The following DENND5B variants were observed in gnomAD, a reference collection of about 807,000 sequenced individuals.
The protein encoded by DENND5B is DENN domain containing 5B.
In DENND5B, 34 loss-of-function variants were observed where a neutral mutation model predicts 140.6. The ratio of observed to expected loss-of-function variants is 0.24; its 90% CI spans 0.18 to 0.32. The LOEUF is 0.32. Ranked by LOEUF, DENND5B falls within the 10% of genes least tolerant of loss-of-function variation. DENND5B has a pLI of 1.00. For missense variants in DENND5B, 1,142 were observed against 1,560.2 expected, an observed-to-expected ratio of 0.73 and a Z score of 4.52; for synonymous variants, 551 against 562.1, an observed-to-expected ratio of 0.98 and a Z score of 0.28.
chr12:31,442,797 C>T lies in DENND5B; in HGVS notation c.1990G>A (p.Ala664Thr), dbSNP rs994305513. 4 of 1,613,420 alleles carry T rather than the reference C, an allele frequency of 2.5e-6. No individual in the cohort carries two copies. Among genetic ancestry groups the T allele is most frequent in the South Asian group, 2.2e-5 (2 of 90,952 alleles). ...FFPKLQSDVL[A>T]TGPTSNNRWV... ...TACTTGTTACTGGTTGGTCCTGTTG[C>T]CAAGACATCGGACTGTAACTTTGGA... The change falls in exon 7 of 21, where the codon GCA (alanine) becomes ACA (threonine). Residue 664 changes from alanine to threonine, a missense_variant. Coordinates refer to ENST00000389082, the MANE Select transcript of DENND5B (RefSeq NM_144973.4).
intron 17 of DENND5B, among the ~76,000 whole-genome samples, chr12:31,395,548 G>A (rs565882530): frequency 6.7e-4 from 102 of 152,166 alleles, no homozygotes; most frequent in African/African-American, 2.4e-3. Context: ...AGATGAGACC[G>A]CACCACTGCA....
At chr12:31,512,619 A>T (rs1947474664) in intron 1 of DENND5B, among the ~76,000 whole-genome samples, 1 of 151,992 alleles carries the variant, frequency 6.6e-6, no homozygotes, top group South Asian at 2.1e-4. Flanking sequence ...AAACATAGGG[A>T]TATTATTATT....
chr12:31,541,233 C>G (rs780395322), intron 1 of DENND5B, among the ~76,000 whole-genome samples: 2 of 152,080 alleles, frequency 1.3e-5, no homozygotes, highest in Non-Finnish European at 2.9e-5. Flanking sequence ...TAAAAACCTT[C>G]TGCACAGCAA....
At chr12:31,408,625 A>T (rs1477258178) in intron 14 of DENND5B, among the ~76,000 whole-genome samples, 4 of 7,620 alleles carry the variant, frequency 5.2e-4, no homozygotes, top group African/African-American at 7.1e-4. Flanking sequence ...AGACTCTATC[A>T]AAAAAAAAAA....
intron 14 of DENND5B, among the ~76,000 whole-genome samples, chr12:31,405,978 T>C (rs1450466551): frequency 6.6e-6 from 1 of 152,074 alleles, no homozygotes; most frequent in Non-Finnish European, 1.5e-5. Context: ...CTGGAGTAGC[T>C]GGGATTACAG....
chr12:31,472,720 G>GT (rs1945618966), intron 3 of DENND5B, among the ~76,000 whole-genome samples: 1 of 152,152 alleles, frequency 6.6e-6, no homozygotes, highest in Non-Finnish European at 1.5e-5. Flanking sequence ...AATTTAAAAT[G>GT]TAAGAAGGGA....
intron 2 of DENND5B, among the ~76,000 whole-genome samples, chr12:31,483,865 C>CT (rs200066618): frequency 0.019 from 2,460 of 129,394 alleles, 46 homozygotes; most frequent in African/African-American, 0.046. Context: ...CTTTTCTTTT[C>CT]TTTTTTTTTT....
chr12:31,524,313 G>C (rs573406384), intron 1 of DENND5B, among the ~76,000 whole-genome samples: 2 of 152,272 alleles, frequency 1.3e-5, no homozygotes, highest in African/African-American at 4.8e-5. Flanking sequence ...CAGCCCTTAA[G>C]AGAGTCCTGG....
At chr12:31,436,726 G>A (rs1943774828) in intron 7 of DENND5B, among the ~76,000 whole-genome samples, 1 of 151,274 alleles carries the variant, frequency 6.6e-6, no homozygotes, top group South Asian at 2.1e-4. Flanking sequence ...GTGGAGACGG[G>A]GTTTCACCAT....
chr12:31,495,172 C>A (rs1946708096), intron 2 of DENND5B, among the ~76,000 whole-genome samples: 1 of 152,128 alleles, frequency 6.6e-6, no homozygotes, highest in Non-Finnish European at 1.5e-5. Flanking sequence ...TTCCATCAGG[C>A]TCCTCTCAGG....
intron 11 of DENND5B, among the ~76,000 whole-genome samples, chr12:31,422,407 G>A (rs1361364829): frequency 6.6e-6 from 1 of 151,678 alleles, no homozygotes; most frequent in Non-Finnish European, 1.5e-5. Context: ...TCCAGCCTGG[G>A]CGACACAGCG....
At chr12:31,574,167 G>A (rs1202363310) in intron 1 of DENND5B, among the ~76,000 whole-genome samples, 1 of 151,530 alleles carries the variant, frequency 6.6e-6, no homozygotes, top group Admixed American at 6.6e-5. Flanking sequence ...GAAGGCTGAG[G>A]CAAGAGAACC....
intron 1 of DENND5B, among the ~76,000 whole-genome samples, chr12:31,512,666 T>C (rs1487577107): frequency 6.6e-6 from 1 of 152,196 alleles, no homozygotes; most frequent in Non-Finnish European, 1.5e-5. Context: ...ATAATCAAAA[T>C]TTTATTAACC....
intron 9 of DENND5B, 92 bp downstream of exon 9, chr12:31,426,201 A>G: frequency 8.5e-6 from 12 of 1,414,550 alleles, no homozygotes; most frequent in Middle Eastern, 1.9e-4. Flanking sequence ...GCAAAATTAC[A>G]TGCTTAAATG....
intron 3 of DENND5B, among the ~76,000 whole-genome samples, chr12:31,472,001 C>T (rs570008443): frequency 6.6e-6 from 1 of 152,250 alleles, no homozygotes; most frequent in South Asian, 2.1e-4. Context: ...ACAAAAGCCA[C>T]GCAGGACTGG....
chr12:31,558,924 C>A (rs190764649), intron 1 of DENND5B, among the ~76,000 whole-genome samples: 1 of 152,282 alleles, frequency 6.6e-6, no homozygotes, highest in Admixed American at 6.5e-5. Flanking sequence ...TCTTGACTAT[C>A]ATCTATTCAG....
At chr12:31,512,385 ATTT>A (rs58455943) in intron 1 of DENND5B, among the ~76,000 whole-genome samples, 70,226 of 142,134 alleles carry the variant, frequency 0.49, 17,702 homozygotes, top group Admixed American at 0.61. Context: ...CCCCTGGCTA[ATTT>A]TTTTTTTTTT....
intron 13 of DENND5B, among the ~76,000 whole-genome samples, chr12:31,412,327 G>A (rs793154): frequency 0.35 from 53,296 of 152,036 alleles, 10,601 homozygotes; most frequent in Non-Finnish European, 0.47. Flanking sequence ...CTGGTTTCCC[G>A]GCTCTAAACC....
chr12:31,533,738 C>T (rs1948381400), intron 1 of DENND5B, among the ~76,000 whole-genome samples: 1 of 152,196 alleles, frequency 6.6e-6, no homozygotes, highest in African/African-American at 2.4e-5. Context: ...ATAAAGATCA[C>T]ATGTAGGTTG....
Sources: allele counts gnomAD v4.1 joint callset (sites outside exome capture counted in the v4.1 genomes callset), GRCh38; gene constraint gnomAD v4.1.1; transcripts MANE v1.5; gene names NCBI Gene and HGNC (gene_info 2026-07-23, HGNC 2026-07-21).